The following LOC400499 variants were observed in gnomAD, a reference collection of about 807,000 sequenced individuals.
the LOC400499 span, among the ~76,000 whole-genome samples, chr16:11,459,634 C>T: frequency 1.3e-5 from 2 of 152,240 alleles, no homozygotes; most frequent in Non-Finnish European, 2.9e-5. Context: ...AAGCGAACCG[C>T]TCTTTCAAAA....
the LOC400499 span, among the ~76,000 whole-genome samples, chr16:11,476,579 G>C: frequency 1.6e-4 from 25 of 152,042 alleles, no homozygotes; most frequent in African/African-American, 6.0e-4. Context: ...TCAGACACAG[G>C]CTCATGGGTG....
the LOC400499 span, among the ~76,000 whole-genome samples, chr16:11,464,840 T>A: frequency 6.6e-6 from 1 of 152,154 alleles, no homozygotes; most frequent in Non-Finnish European, 1.5e-5. Flanking sequence ...GTAGAGGCAA[T>A]CCGTGCTTGC....
the LOC400499 span, among the ~76,000 whole-genome samples, chr16:11,511,861 T>C: frequency 6.6e-6 from 1 of 150,932 alleles, no homozygotes; most frequent in Non-Finnish European, 1.5e-5. Context: ...ACCCGATTTC[T>C]ACAAAAAATT....
At chr16:11,401,470 G>A in the LOC400499 span, 12 of 399,162 alleles carry the variant, frequency 3.0e-5, no homozygotes, top group Admixed American at 1.3e-4. Flanking sequence ...TTTCCCACCC[G>A]CACAGACCAC....
the LOC400499 span, among the ~76,000 whole-genome samples, chr16:11,403,606 A>C: frequency 3.8e-4 from 58 of 152,228 alleles, no homozygotes; most frequent in African/African-American, 1.3e-3. Flanking sequence ...CCATCAGGCC[A>C]CCTGGTAAGC....
the LOC400499 span, chr16:11,488,560 C>T: frequency 1.1e-5 from 4 of 378,616 alleles, no homozygotes; most frequent in Middle Eastern, 6.7e-4. Context: ...GCTGGGATTA[C>T]AGGTTTCAGC....
chr16:11,409,145 C>A, the LOC400499 span, among the ~76,000 whole-genome samples: 1 of 151,628 alleles, frequency 6.6e-6, no homozygotes, highest in Non-Finnish European at 1.5e-5. Flanking sequence ...CCTGTAATCC[C>A]AGCTACTCAG....
At chr16:11,508,761 G>A in the LOC400499 span, 3 of 399,022 alleles carry the variant, frequency 7.5e-6, no homozygotes, top group East Asian at 1.1e-4. Flanking sequence ...TTACTAATGT[G>A]GCTGCGGTGG....
the LOC400499 span, among the ~76,000 whole-genome samples, chr16:11,465,705 T>C: frequency 6.6e-6 from 1 of 151,172 alleles, no homozygotes; most frequent in Non-Finnish European, 1.5e-5. Flanking sequence ...CCCAGGGGTT[T>C]GAGGCTGCAG....
chr16:11,379,070 C>T, the LOC400499 span, among the ~76,000 whole-genome samples: 1 of 152,182 alleles, frequency 6.6e-6, no homozygotes, highest in Non-Finnish European at 1.5e-5. Context: ...TCAAGAGCAG[C>T]CTGGACAACA....
chr16:11,387,442 A>C, the LOC400499 span: 2 of 565,360 alleles, frequency 3.5e-6, no homozygotes, highest in Non-Finnish European at 5.3e-6. Flanking sequence ...TTGTTTTGGG[A>C]AATCCCATCA....
chr16:11,470,362 G>C, the LOC400499 span, among the ~76,000 whole-genome samples: 1 of 152,002 alleles, frequency 6.6e-6, no homozygotes, highest in Non-Finnish European at 1.5e-5. Flanking sequence ...CACACTCTGC[G>C]AGTACCTCGT....
the LOC400499 span, among the ~76,000 whole-genome samples, chr16:11,397,531 C>G: frequency 6.6e-6 from 1 of 152,070 alleles, no homozygotes; most frequent in Non-Finnish European, 1.5e-5. Flanking sequence ...CATCGGCCTC[C>G]CAAAGTGGTG....
At chr16:11,427,042 T>C in the LOC400499 span, among the ~76,000 whole-genome samples, 19 of 150,832 alleles carry the variant, frequency 1.3e-4, no homozygotes, top group Non-Finnish European at 2.8e-4. Context: ...CAAAGGAAGC[T>C]ACACGAGCAA....
At chr16:11,448,257 C>T in the LOC400499 span, among the ~76,000 whole-genome samples, 1 of 152,222 alleles carries the variant, frequency 6.6e-6, no homozygotes, top group African/African-American at 2.4e-5. Context: ...ATCCCACCGG[C>T]ACACCACCAT....
the LOC400499 span, chr16:11,399,168 G>C: frequency 1.0e-6 from 1 of 977,390 alleles, no homozygotes; most frequent in Admixed American, 6.2e-5. Context: ...GGGAACCGGA[G>C]CTCCCGATCT....
At chr16:11,500,008 C>T in the LOC400499 span, among the ~76,000 whole-genome samples, 1 of 152,178 alleles carries the variant, frequency 6.6e-6, no homozygotes, top group Admixed American at 6.5e-5. Context: ...TAAATGAGAC[C>T]TCCACATATC....
chr16:11,519,058 C>T, the LOC400499 span: 1 of 398,584 alleles, frequency 2.5e-6, no homozygotes, highest in East Asian at 3.6e-5. Flanking sequence ...AGTTCTAGGG[C>T]CCTGCAGGAT....
the LOC400499 span, among the ~76,000 whole-genome samples, chr16:11,468,876 T>C: frequency 6.6e-6 from 1 of 152,192 alleles, no homozygotes; most frequent in Non-Finnish European, 1.5e-5. Flanking sequence ...ATCTGCCCGC[T>C]TCGACCTCCC....
Sources: gnomAD v4.1 joint callset for allele counts (sites outside exome capture counted in the v4.1 genomes callset) on GRCh38, gnomAD v4.1.1 for gene constraint, MANE v1.5 for transcripts.